LARP1: variants seen among roughly 807,000 people sequenced by gnomAD.
The protein encoded by LARP1 is la-related protein 1.
Under a neutral mutation model 122.7 loss-of-function variants are expected in LARP1, and 36 were observed. That is an observed-to-expected ratio of 0.29 (90% CI 0.22 to 0.39). The LOEUF (loss-of-function observed/expected upper bound fraction) is 0.39, where lower values mean the gene tolerates loss of function less well. Among genes scored for constraint, LARP1 ranks in the 10% least tolerant of loss-of-function variants. The pLI is 1.00. For missense variants in LARP1, 1,040 were observed against 1,403.6 expected (o/e 0.74, Z 4.14); for synonymous variants, 539 against 528.7 (o/e 1.02, Z -0.27).
intron 1 of LARP1, among the ~76,000 whole-genome samples, chr5:154,693,382 T>C (rs1383907947): frequency 2.6e-5 from 4 of 152,130 alleles, no homozygotes; most frequent in East Asian, 1.9e-4. Flanking sequence ...AAAAAAAGAA[T>C]AGGGAGAGGG....
chr5:154,786,085 C>CT (rs1216280761), intron 1 of LARP1, among the ~76,000 whole-genome samples: 1 of 152,108 alleles, frequency 6.6e-6, no homozygotes, highest in Non-Finnish European at 1.5e-5. Context: ...TCTTGTCACC[C>CT]AAGCTGGAGT....
At chr5:154,690,121 A>T (rs1018097389) in intron 1 of LARP1, among the ~76,000 whole-genome samples, 1 of 151,936 alleles carries the variant, frequency 6.6e-6, no homozygotes, top group African/African-American at 2.4e-5. Flanking sequence ...GGAAGGCAGG[A>T]CTACACACCT....
At chr5:154,749,467 C>A (rs963421969) in intron 1 of LARP1, among the ~76,000 whole-genome samples, 1 of 152,148 alleles carries the variant, frequency 6.6e-6, no homozygotes, top group African/African-American at 2.4e-5. Flanking sequence ...GGAAAAGGAT[C>A]GGCCTGGGGG....
intron 18 of LARP1, among the ~76,000 whole-genome samples, chr5:154,812,187 G>C (rs1759327360): frequency 6.6e-6 from 1 of 152,112 alleles, no homozygotes; most frequent in Non-Finnish European, 1.5e-5. Flanking sequence ...AAGAGGCTCA[G>C]TTTTTCCTTC....
intron 1 of LARP1, among the ~76,000 whole-genome samples, chr5:154,767,707 GCT>G (rs1189912078): frequency 6.6e-6 from 1 of 152,172 alleles, no homozygotes; most frequent in Admixed American, 6.5e-5. Context: ...AAGAAGCAGA[GCT>G]CTCTCTGATT....
chr5:154,748,449 G>C (rs372781581), intron 1 of LARP1, among the ~76,000 whole-genome samples: 1 of 152,146 alleles, frequency 6.6e-6, no homozygotes, highest in Non-Finnish European at 1.5e-5. Context: ...TAACTGAGTA[G>C]AGAAAATGAA....
intron 16 of LARP1, among the ~76,000 whole-genome samples, chr5:154,809,699 CTTT>C (rs773095772): frequency 1.5e-4 from 20 of 134,930 alleles, no homozygotes; most frequent in African/African-American, 4.1e-4. Flanking sequence ...TATACTATTT[CTTT>C]TTTTTTTTTT....
chr5:154,809,087 A>G (rs1365360078), intron 16 of LARP1, among the ~76,000 whole-genome samples: 1 of 152,054 alleles, frequency 6.6e-6, no homozygotes, highest in South Asian at 2.1e-4. Context: ...ACATGGTCTT[A>G]TATGGATGTA....
intron 8 of LARP1, among the ~76,000 whole-genome samples, chr5:154,796,698 A>G (rs1170597579): frequency 2.0e-5 from 3 of 152,202 alleles, no homozygotes; most frequent in African/African-American, 4.8e-5. Context: ...CAAAATGACA[A>G]TATACTAATT....
rs1407252675 is a variant in LARP1 at position 154,815,095 on chromosome 5, GA to G, written c.*1000del. 1 of 152,630 alleles carries G rather than the reference GA, an allele frequency of 6.6e-6. No homozygotes were observed. The highest frequency in any genetic ancestry group is 1.9e-4 in the East Asian group (1 of 5,164). 9.5% of individuals were successfully genotyped at this position (152,630 alleles called of 1,614,324 possible). The stretch of plus-strand genomic sequence containing the variant: ...ACCCGAAGAGCTCCCACCTTCTCTG[GA>G]TGTGCCTGGGCTTGGACTGGCTAGA... On this transcript the variant is annotated 3_prime_UTR_variant, in exon 19 of 19. Coordinates refer to ENST00000518297, the MANE Select transcript of LARP1 (RefSeq NM_033551.3).
At chr5:154,770,525 T>C (rs902047968) in intron 1 of LARP1, among the ~76,000 whole-genome samples, 4 of 151,394 alleles carry the variant, frequency 2.6e-5, no homozygotes, top group African/African-American at 7.3e-5. Flanking sequence ...TGCCCCAGGG[T>C]AGAGGTGGAA....
chr5:154,769,601 T>C (rs1755238470), intron 1 of LARP1, among the ~76,000 whole-genome samples: 2 of 152,134 alleles, frequency 1.3e-5, no homozygotes, highest in Non-Finnish European at 2.9e-5. Flanking sequence ...AATAGAAAGC[T>C]CTCTGAGAGT....
At chr5:154,685,295 C>A (rs1753877569) in intron 1 of LARP1, among the ~76,000 whole-genome samples, 1 of 151,976 alleles carries the variant, frequency 6.6e-6, no homozygotes, top group South Asian at 2.1e-4. Flanking sequence ...CTGAGCCATG[C>A]AGGGTGGTCA....
chr5:154,773,597 G>A (rs948034948), intron 1 of LARP1, among the ~76,000 whole-genome samples: 2 of 152,190 alleles, frequency 1.3e-5, no homozygotes, highest in Admixed American at 6.5e-5. Flanking sequence ...GAGCTGCCAC[G>A]CAGGGATAGG....
upstream of LARP1, among the ~76,000 whole-genome samples, chr5:154,751,565 TACTG>T (rs554813303): frequency 7.8e-4 from 119 of 152,348 alleles, no homozygotes; most frequent in Middle Eastern, 3.4e-3. Flanking sequence ...AAATGGTCAT[TACTG>T]ACTATTTGGT....
chr5:154,792,820 G>A, intron 4 of LARP1, 24 bp downstream of exon 4: 1 of 1,610,256 alleles, frequency 6.2e-7, no homozygotes, highest in East Asian at 2.2e-5. Flanking sequence ...AGCAGGACTT[G>A]GGAGAAGGTG....
At chr5:154,721,499 T>C (rs1755867529) in intron 1 of LARP1, among the ~76,000 whole-genome samples, 1 of 152,114 alleles carries the variant, frequency 6.6e-6, no homozygotes, top group South Asian at 2.1e-4. Context: ...CGTTACCATT[T>C]GGTGGCAGGT....
chr5:154,792,260 C>G (rs890727726), intron 3 of LARP1, among the ~76,000 whole-genome samples: 5 of 152,222 alleles, frequency 3.3e-5, no homozygotes, highest in Admixed American at 1.3e-4. Flanking sequence ...ACTTCACAGA[C>G]AGAGTTGTTG....
At chr5:154,701,944 A>T (rs1013779521) in intron 1 of LARP1, among the ~76,000 whole-genome samples, 8 of 152,048 alleles carry the variant, frequency 5.3e-5, no homozygotes, top group African/African-American at 1.9e-4. Flanking sequence ...TATCTGTAGT[A>T]GCTGAGAAGT....
Sources: gnomAD v4.1 joint callset for allele counts (sites outside exome capture counted in the v4.1 genomes callset) on GRCh38, gnomAD v4.1.1 for gene constraint, MANE v1.5 for transcripts, NCBI Gene and HGNC (gene_info 2026-07-23, HGNC 2026-07-21) for gene names.